ADAMTS3: variants seen among roughly 807,000 people sequenced by gnomAD.
The protein encoded by ADAMTS3 is A disintegrin and metalloproteinase with thrombospondin motifs 3.
A neutral mutation model predicts 129.0 loss-of-function variants in ADAMTS3; 73 were observed. That is an observed-to-expected ratio of 0.57 (90% CI 0.47 to 0.69). The LOEUF is 0.69. Ranked by LOEUF, ADAMTS3 falls within the 30% of genes least tolerant of loss-of-function variation. The pLI is 0.00. For synonymous variants in ADAMTS3, 477 were observed against 510.8 expected (o/e 0.93, Z 0.89); for missense variants, 1,457 against 1,514.5 (o/e 0.96, Z 0.63).
chr4:72,408,523 G>T (rs990099623), intron 4 of ADAMTS3, among the ~76,000 whole-genome samples: 2 of 151,994 alleles, frequency 1.3e-5, no homozygotes, highest in African/African-American at 4.8e-5. Flanking sequence ...ATAAAACAAT[G>T]ACAGGAAAAT....
intron 3 of ADAMTS3, among the ~76,000 whole-genome samples, chr4:72,489,413 A>C (rs1719680337): frequency 6.6e-6 from 1 of 151,938 alleles, no homozygotes; most frequent in Admixed American, 6.6e-5. Flanking sequence ...AGCATGATGA[A>C]ATCTAATGTC....
intron 3 of ADAMTS3, among the ~76,000 whole-genome samples, chr4:72,446,156 A>T (rs149744918): frequency 1.3e-5 from 2 of 151,588 alleles, no homozygotes; most frequent in Admixed American, 6.6e-5. Flanking sequence ...TCTCTCCCCT[A>T]ATGTTTTCAA....
intron 3 of ADAMTS3, among the ~76,000 whole-genome samples, chr4:72,426,132 CTTT>C (rs1722568000): frequency 6.6e-6 from 1 of 152,150 alleles, no homozygotes; most frequent in Non-Finnish European, 1.5e-5. Context: ...TAAATGTCTT[CTTT>C]TGAGAAGTGT....
At chr4:72,477,263 T>TA (rs1040814938) in intron 3 of ADAMTS3, among the ~76,000 whole-genome samples, 1 of 152,094 alleles carries the variant, frequency 6.6e-6, no homozygotes, top group African/African-American at 2.4e-5. Context: ...ACACCACACC[T>TA]ACTCCAAAAC....
chr4:72,345,681 T>A (rs573773422), intron 4 of ADAMTS3, among the ~76,000 whole-genome samples: 1 of 152,256 alleles, frequency 6.6e-6, no homozygotes, highest in South Asian at 2.1e-4. Flanking sequence ...TTTCCGTTAT[T>A]TCTTTTCCCC....
chr4:72,318,155 A>G (rs911533387), intron 10 of ADAMTS3, among the ~76,000 whole-genome samples: 1 of 152,132 alleles, frequency 6.6e-6, no homozygotes, highest in Non-Finnish European at 1.5e-5. Flanking sequence ...ACATACATGG[A>G]ATCCTGCCAT....
intron 19 of ADAMTS3, among the ~76,000 whole-genome samples, chr4:72,291,957 T>C (rs961126810): frequency 6.6e-6 from 1 of 152,188 alleles, no homozygotes; most frequent in South Asian, 2.1e-4. Context: ...CTCTGAAATC[T>C]TCTTCTTTCC....
intron 3 of ADAMTS3, among the ~76,000 whole-genome samples, chr4:72,517,402 G>A (rs1244151938): frequency 2.0e-5 from 3 of 152,220 alleles, no homozygotes; most frequent in African/African-American, 7.2e-5. Flanking sequence ...AATAGTTTCA[G>A]AAAGAATGGT....
chr4:72,430,743 A>G (rs1722677316), intron 3 of ADAMTS3, among the ~76,000 whole-genome samples: 1 of 151,898 alleles, frequency 6.6e-6, no homozygotes, highest in Non-Finnish European at 1.5e-5. Context: ...GAAAAAAACC[A>G]TACGTTATTT....
chr4:72,455,977 T>TATAC lies in ADAMTS3; in HGVS notation c.505-41007_505-41006insGTAT, dbSNP rs1553916114. Among the ~76,000 whole-genome samples, 22 of 61,036 alleles carry TATAC rather than the reference T, an allele frequency of 3.6e-4. 1 individual carries two copies. Among genetic ancestry groups the TATAC allele is most frequent in the Admixed American group, 5.2e-4 (2 of 3,874 alleles). 40.0% of individuals were successfully genotyped at this position (61,036 alleles called of 152,430 possible). A position where few individuals can be genotyped will look rare whatever the true frequency, so the allele number is the denominator to read the frequency against. ...ATATATACTATATATATTTTACATATAGTATATATACTATATATATTTTAC... is the reference window on the plus strand; with the variant it reads ...ATATATACTATATATATTTTACATATATACAGTATATATACTATATATATTTTAC... On this transcript the variant is annotated intron_variant, in intron 3 of 21. Transcript: ENST00000286657.
intron 3 of ADAMTS3, among the ~76,000 whole-genome samples, chr4:72,457,309 T>C (rs1718650775): frequency 1.3e-5 from 2 of 151,604 alleles, no homozygotes; most frequent in South Asian, 2.1e-4. Context: ...ATTAAACACA[T>C]AAATGACAGT....
intron 4 of ADAMTS3, among the ~76,000 whole-genome samples, chr4:72,368,597 G>C (rs1292366029): frequency 6.6e-6 from 1 of 152,108 alleles, no homozygotes; most frequent in African/African-American, 2.4e-5. Context: ...AATAAACTGA[G>C]AAAACAAAAT....
chr4:72,409,013 T>C (rs1020215100), intron 4 of ADAMTS3, among the ~76,000 whole-genome samples: 1 of 152,058 alleles, frequency 6.6e-6, no homozygotes, highest in Non-Finnish European at 1.5e-5. Flanking sequence ...CGTGTATACC[T>C]ATGTAACAAA....
At chr4:72,518,915 G>A (rs953787971) in intron 3 of ADAMTS3, among the ~76,000 whole-genome samples, 16 of 152,156 alleles carry the variant, frequency 1.1e-4, no homozygotes, top group African/African-American at 3.4e-4. Context: ...ATTAGTTGAC[G>A]CAGTTTCTTC....
At chr4:72,313,970 T>C (rs1719318358) in intron 11 of ADAMTS3, 148 bp from the exon 12 acceptor site, 1 of 841,398 alleles carries the variant, frequency 1.2e-6, no homozygotes, top group African/African-American at 1.7e-5. Context: ...AAAGCAATTA[T>C]GTCATTAATA....
chr4:72,451,591 A>G (rs1718408293), intron 3 of ADAMTS3, among the ~76,000 whole-genome samples: 1 of 151,810 alleles, frequency 6.6e-6, no homozygotes, highest in African/African-American at 2.4e-5. Flanking sequence ...ATTTGTAACT[A>G]CAGACACAGA....
At chr4:72,287,578 G>T (rs1368115745) in intron 21 of ADAMTS3, among the ~76,000 whole-genome samples, 1 of 151,898 alleles carries the variant, frequency 6.6e-6, no homozygotes, top group Non-Finnish European at 1.5e-5. Context: ...AGGAGGTACA[G>T]CCAGGGAGAC....
intron 3 of ADAMTS3, among the ~76,000 whole-genome samples, chr4:72,455,859 T>A (rs1406566038): frequency 2.5e-5 from 3 of 118,298 alleles, no homozygotes; most frequent in African/African-American, 1.1e-4. Context: ...ATTTTATATA[T>A]AGTATATACA....
At chr4:72,467,985 AAAG>A (rs10588859) in intron 3 of ADAMTS3, among the ~76,000 whole-genome samples, 5,024 of 152,148 alleles carry the variant, frequency 0.033, 268 homozygotes, top group African/African-American at 0.11. Flanking sequence ...GTATCAGAGC[AAAG>A]AAGGTTATAA....
Sources: gnomAD v4.1 joint callset for allele counts (sites outside exome capture counted in the v4.1 genomes callset) on GRCh38, gnomAD v4.1.1 for gene constraint, MANE v1.5 for transcripts, NCBI Gene and HGNC (gene_info 2026-07-23, HGNC 2026-07-21) for gene names.